The following PREX2 variants were observed in gnomAD, a reference collection of about 807,000 sequenced individuals.
PREX2 encodes the protein phosphatidylinositol-3,4,5-trisphosphate dependent Rac exchange factor 2.
PREX2 carries 107 observed loss-of-function variants against 203.2 expected under a neutral mutation model. The observed-to-expected ratio is 0.53, with a 90% CI of 0.45 to 0.62. The LOEUF is 0.62. Ranked by LOEUF, PREX2 falls within the 20% of genes least tolerant of loss-of-function variation. PREX2 has a pLI of 0.00. For missense variants in PREX2, 1,777 were observed against 1,955.9 expected (o/e 0.91, Z 1.72); for synonymous variants, 672 against 663.6 (o/e 1.01, Z -0.19).
chr8:68,201,601 G>C (rs960470596), intron 37 of PREX2, among the ~76,000 whole-genome samples: 2 of 152,124 alleles, frequency 1.3e-5, no homozygotes, highest in African/African-American at 2.4e-5. Context: ...TGGCTGTGCT[G>C]GCAGCTGATT....
At chr8:68,079,940 G>T (rs952995603) in intron 15 of PREX2, among the ~76,000 whole-genome samples, 2 of 152,062 alleles carry the variant, frequency 1.3e-5, no homozygotes, top group Admixed American at 1.3e-4. Context: ...GCATATTTCT[G>T]GTTTGAAGTA....
chr8:68,134,819 C>T (rs2129613416), intron 32 of PREX2, among the ~76,000 whole-genome samples: 2 of 152,254 alleles, frequency 1.3e-5, no homozygotes, highest in Middle Eastern at 6.8e-3. Flanking sequence ...GTAGAATATT[C>T]TATGTTTATG....
chr8:67,955,889 T>C (rs1805483138), intron 1 of PREX2, among the ~76,000 whole-genome samples: 2 of 152,246 alleles, frequency 1.3e-5, no homozygotes, highest in African/African-American at 4.8e-5. Flanking sequence ...CTCAGGCACA[T>C]ATGAATTTAT....
At chr8:68,049,024 A>C (rs1254327815) in intron 8 of PREX2, among the ~76,000 whole-genome samples, 2 of 151,656 alleles carry the variant, frequency 1.3e-5, no homozygotes, top group Non-Finnish European at 2.9e-5. Flanking sequence ...TACATTTTCA[A>C]TGTTTTTAAT....
chr8:67,965,859 G>A (rs1805760073), intron 1 of PREX2, among the ~76,000 whole-genome samples: 1 of 152,078 alleles, frequency 6.6e-6, no homozygotes, highest in Non-Finnish European at 1.5e-5. Context: ...GTCCAAAAAG[G>A]AATCATGTTA....
At chr8:68,219,120 G>A (rs551258769) in intron 38 of PREX2, among the ~76,000 whole-genome samples, 18 of 152,264 alleles carry the variant, frequency 1.2e-4, no homozygotes, top group African/African-American at 4.1e-4. Context: ...GACTTGGGAA[G>A]CGCCATCTCA....
chr8:67,987,956 G>A (rs1156801836), intron 1 of PREX2, among the ~76,000 whole-genome samples: 1 of 148,792 alleles, frequency 6.7e-6, no homozygotes, highest in African/African-American at 2.5e-5. Context: ...TGCAATACAC[G>A]CAGTGTCTTT....
intron 23 of PREX2, chr8:68,101,570 TATAAAAC>T (rs1810264799): frequency 2.2e-6 from 1 of 445,250 alleles, no homozygotes; most frequent in Non-Finnish European, 4.4e-6. Context: ...CTCCTTTCTC[TATAAAAC>T]ATGACCGTGC....
intron 33 of PREX2, among the ~76,000 whole-genome samples, chr8:68,139,366 C>A (rs1811176163): frequency 6.6e-6 from 1 of 151,890 alleles, no homozygotes; most frequent in Non-Finnish European, 1.5e-5. Flanking sequence ...AGGCTGGGAG[C>A]AGACATGGCA....
intron 14 of PREX2, among the ~76,000 whole-genome samples, chr8:68,075,259 C>T (rs1436276276): frequency 6.6e-6 from 1 of 152,128 alleles, no homozygotes; most frequent in Non-Finnish European, 1.5e-5. Flanking sequence ...ATTAGTCTGG[C>T]CAGTGTTTCA....
chr8:68,122,559 A>T (rs907667471), intron 30 of PREX2, among the ~76,000 whole-genome samples: 6 of 152,064 alleles, frequency 3.9e-5, no homozygotes, highest in African/African-American at 1.4e-4. Flanking sequence ...ACTACTAGAA[A>T]CTATAATTCT....
chr8:68,164,660 T>C (rs1472436633), intron 35 of PREX2, among the ~76,000 whole-genome samples: 1 of 148,256 alleles, frequency 6.7e-6, no homozygotes, highest in Non-Finnish European at 1.5e-5. Context: ...TTGGCTCACC[T>C]CAACCTCCAC....
chr8:68,042,550 T>G (rs988840684), intron 7 of PREX2, among the ~76,000 whole-genome samples: 2 of 152,126 alleles, frequency 1.3e-5, no homozygotes, highest in Non-Finnish European at 2.9e-5. Context: ...AATTTAATTA[T>G]TCATCCTCAT....
intron 1 of PREX2, 81 bp downstream of exon 1, chr8:67,952,616 G>T (rs747351483): frequency 2.5e-5 from 39 of 1,538,414 alleles, no homozygotes; most frequent in Admixed American, 1.4e-4. Context: ...AAGGACGCGC[G>T]GCATTGTCTG....
chr8:68,022,016 ATTC>A lies in PREX2; in HGVS notation c.337-17_337-15del, dbSNP rs1318856681. The A allele has an allele frequency of 8.9e-7, 1 of 1,126,986 alleles. No homozygotes were observed. The highest frequency in any genetic ancestry group is 2.3e-5 in the East Asian group (1 of 42,610). 69.8% of individuals were successfully genotyped at this position (1,126,986 alleles called of 1,614,324 possible). On this transcript the variant is annotated splice_polypyrimidine_tract_variant and intron_variant, in intron 3 of 39. Coordinates refer to ENST00000288368, the MANE Select transcript of PREX2 (RefSeq NM_024870.4). The stretch of plus-strand genomic sequence containing the variant: ...GAATGGTGAATAAAATGACTAATTT[ATTC>A]TTACATGAATTCACAGAAAGACAAG...
In PREX2 at chr8:67,952,306, A is replaced by T; in HGVS notation, c.-89A>T. 2 of 1,202,760 alleles carry T rather than the reference A, an allele frequency of 1.7e-6. No homozygotes were observed. Among genetic ancestry groups the T allele is most frequent in the Non-Finnish European group, 2.1e-6 (2 of 943,062 alleles). 74.5% of individuals were successfully genotyped at this position (1,202,760 alleles called of 1,614,324 possible). A position where few individuals can be genotyped will look rare whatever the true frequency, so the allele number is the denominator to read the frequency against. On this transcript the variant is annotated 5_prime_UTR_variant, in exon 1 of 40. Transcript: ENST00000288368. ...GAGTTGGCGGAGGCGGCAACTTTCC[A>T]TTCTCGCCGCCGGGGGCCGGGCAGC...
chr8:68,205,717 T>C (rs1307440428), intron 37 of PREX2, among the ~76,000 whole-genome samples: 1 of 152,236 alleles, frequency 6.6e-6, no homozygotes, highest in Admixed American at 6.5e-5. Flanking sequence ...AGTCGTGCTC[T>C]GTAAAAGTAA....
intron 35 of PREX2, among the ~76,000 whole-genome samples, chr8:68,165,197 A>G (rs1367224461): frequency 1.3e-5 from 2 of 152,126 alleles, no homozygotes; most frequent in Non-Finnish European, 2.9e-5. Flanking sequence ...TTAGCATTTC[A>G]ACATCAGCAT....
intron 1 of PREX2, among the ~76,000 whole-genome samples, chr8:67,973,037 A>G (rs151323983): frequency 3.6e-4 from 55 of 152,142 alleles, no homozygotes; most frequent in African/African-American, 1.3e-3. Flanking sequence ...CTTTGTCTCC[A>G]TATCTTTCAT....
Sources: gnomAD v4.1 joint callset for allele counts (sites outside exome capture counted in the v4.1 genomes callset) on GRCh38, gnomAD v4.1.1 for gene constraint, MANE v1.5 for transcripts, NCBI Gene and HGNC (gene_info 2026-07-23, HGNC 2026-07-21) for gene names.